The following GRID1 variants were observed in gnomAD, a reference collection of about 807,000 sequenced individuals.
GRID1 encodes the protein glutamate receptor ionotropic, delta-1.
Under a neutral mutation model 98.0 loss-of-function variants are expected in GRID1, and 28 were observed. The observed-to-expected ratio is 0.29, with a 90% CI of 0.21 to 0.39. The LOEUF (loss-of-function observed/expected upper bound fraction) is 0.39, where lower values mean the gene tolerates loss of function less well. GRID1 is among the 10% of genes least tolerant of loss of function. The probability of loss-of-function intolerance (pLI) is 1.00; values close to 1 mark genes in which losing one functional copy is unlikely to be tolerated. For missense variants in GRID1, 1,111 were observed against 1,340.5 expected, an observed-to-expected ratio of 0.83 and a Z score of 2.67; for synonymous variants, 553 against 538.5, an observed-to-expected ratio of 1.03 and a Z score of -0.37.
intron 12 of GRID1, among the ~76,000 whole-genome samples, chr10:85,690,187 G>C (rs1263432145): frequency 6.6e-6 from 1 of 152,024 alleles, no homozygotes; most frequent in Non-Finnish European, 1.5e-5. Context: ...TTTGATTTGT[G>C]CATTTTTCTT....
At chr10:86,257,688 T>C (rs1419388813) in intron 2 of GRID1, among the ~76,000 whole-genome samples, 3 of 152,028 alleles carry the variant, frequency 2.0e-5, no homozygotes, top group South Asian at 4.2e-4. Flanking sequence ...AGTGATACTA[T>C]GGGGAAGAAT....
chr10:85,622,033 T>A (rs1464842405), intron 13 of GRID1, among the ~76,000 whole-genome samples: 1 of 152,164 alleles, frequency 6.6e-6, no homozygotes, highest in Non-Finnish European at 1.5e-5. Flanking sequence ...TTTCAAGTGA[T>A]GCTCCAAGAA....
At chr10:86,263,732 G>C (rs1265690289) in intron 2 of GRID1, among the ~76,000 whole-genome samples, 1 of 152,230 alleles carries the variant, frequency 6.6e-6, no homozygotes, top group Non-Finnish European at 1.5e-5. Flanking sequence ...TACATATCAA[G>C]TGCTCAATAA....
intron 13 of GRID1, among the ~76,000 whole-genome samples, chr10:85,636,608 T>C (rs1843045711): frequency 6.6e-6 from 1 of 151,838 alleles, no homozygotes; most frequent in Non-Finnish European, 1.5e-5. Context: ...CAAAAATACA[T>C]GCATACACAA....
At position 86,333,803 on chromosome 10, in the gene GRID1, A is replaced by G. The variant is rs533458688; in HGVS notation, c.235+30138T>C. 6.6e-5 allele frequency among the ~76,000 whole-genome samples: 10 copies of G among 152,304 alleles called. No homozygotes were observed. In the East Asian group the frequency reaches 1.3e-3, roughly 21 times the overall value. ...GAAGTGGATCATCATAAAGATCATCATTCTTGTTGTCTTCACATTGAGTAG... is the reference window on the plus strand; with the variant it reads ...GAAGTGGATCATCATAAAGATCATCGTTCTTGTTGTCTTCACATTGAGTAG... On this transcript the variant is annotated intron_variant, in intron 2 of 15. Coordinates refer to ENST00000327946, the MANE Select transcript of GRID1 (RefSeq NM_017551.3).
At chr10:85,614,964 C>T (rs1391371045) in intron 14 of GRID1, among the ~76,000 whole-genome samples, 2 of 152,138 alleles carry the variant, frequency 1.3e-5, no homozygotes, top group African/African-American at 4.8e-5. Context: ...GTGATATTTT[C>T]GACTGATATC....
intron 3 of GRID1, among the ~76,000 whole-genome samples, chr10:86,168,659 A>C (rs1032716769): frequency 7.9e-5 from 12 of 152,218 alleles, no homozygotes; most frequent in Non-Finnish European, 1.3e-4. Flanking sequence ...AGCCCAGGGC[A>C]GAGCGGTGAG....
At chr10:85,961,176 A>G (rs2882948) in intron 4 of GRID1, among the ~76,000 whole-genome samples, 85,076 of 152,008 alleles carry the variant, frequency 0.56, 24,732 homozygotes, top group African/African-American at 0.72. Context: ...GATAGAATGA[A>G]ATAATGTACA....
Position 85,775,026 on chromosome 10 carries a change from C to T in GRID1, c.1234-45412G>A, listed in dbSNP as rs534313520. Among the ~76,000 whole-genome samples, 359 of 152,164 alleles carry T rather than the reference C, an allele frequency of 2.4e-3. 2 individuals carry two copies. Among genetic ancestry groups the T allele is most frequent in the African/African-American group, 8.4e-3 (348 of 41,514 alleles). On this transcript the variant is annotated intron_variant, in intron 8 of 15. Transcript: ENST00000327946. ...ATGCTGCTATAAAGACACATGCAGA[C>T]GTATGTTTATTGAGGCACTATTCAC...
At chr10:86,158,193 G>C (rs1845272541) in intron 3 of GRID1, among the ~76,000 whole-genome samples, 1 of 152,158 alleles carries the variant, frequency 6.6e-6, no homozygotes, top group Non-Finnish European at 1.5e-5. Flanking sequence ...GCCTGGCCCT[G>C]GGAGTCAGAC....
chr10:85,796,407 C>T (rs921196610), intron 8 of GRID1, among the ~76,000 whole-genome samples: 1 of 152,108 alleles, frequency 6.6e-6, no homozygotes, highest in Admixed American at 6.6e-5. Flanking sequence ...ATGGTATTAA[C>T]TAAAAATCTG....
chr10:85,977,753 GC>G (rs1842491025), intron 4 of GRID1, among the ~76,000 whole-genome samples: 1 of 152,142 alleles, frequency 6.6e-6, no homozygotes, highest in African/African-American at 2.4e-5. Flanking sequence ...GAAATACCCA[GC>G]CAGTCCTTAC....
At chr10:86,014,346 T>C (rs752401873) in intron 4 of GRID1, among the ~76,000 whole-genome samples, 2 of 152,234 alleles carry the variant, frequency 1.3e-5, no homozygotes, top group African/African-American at 2.4e-5. Flanking sequence ...ATGGAAACCA[T>C]ACTAAATGGA....
chr10:86,274,266 C>CTATA (rs1353070900), intron 2 of GRID1, among the ~76,000 whole-genome samples: 1 of 152,020 alleles, frequency 6.6e-6, no homozygotes, highest in Non-Finnish European at 1.5e-5. Flanking sequence ...TGTTCCAGAT[C>CTATA]TGTATCTCTG....
Position 85,860,901 on chromosome 10 carries a change from A to G in GRID1, c.952-4711T>C, listed in dbSNP as rs78616129. Among the ~76,000 whole-genome samples, 489 of 152,332 alleles carry G rather than the reference A, an allele frequency of 3.2e-3. 2 individuals carry two copies. Among genetic ancestry groups the G allele is most frequent in the African/African-American group, 0.011 (453 of 41,580 alleles). The stretch of plus-strand genomic sequence containing the variant: ...TGATCTGGGCCCCTGGAGAGGTACA[A>G]TGTGGCAGCCCTGATTTACCCACCT... On this transcript the variant is annotated intron_variant, in intron 6 of 15. Transcript: ENST00000327946.
chr10:86,102,679 G>A (rs1395852389), intron 4 of GRID1, among the ~76,000 whole-genome samples: 1 of 152,222 alleles, frequency 6.6e-6, no homozygotes, highest in East Asian at 1.9e-4. Context: ...AGAGGCCCAG[G>A]GGACGGGAGC....
chr10:86,116,694 T>G (rs1366818662), intron 4 of GRID1, among the ~76,000 whole-genome samples: 1 of 152,064 alleles, frequency 6.6e-6, no homozygotes, highest in Non-Finnish European at 1.5e-5. Flanking sequence ...TTAAGTTAAA[T>G]CAAATGCCCC....
chr10:85,790,111 C>T (rs1842464891), intron 8 of GRID1, among the ~76,000 whole-genome samples: 1 of 152,212 alleles, frequency 6.6e-6, no homozygotes, highest in Non-Finnish European at 1.5e-5. Context: ...CTGCATGTTC[C>T]TGGGTCCACC....
chr10:86,339,116 C>T (rs1848272557), intron 2 of GRID1, among the ~76,000 whole-genome samples: 1 of 152,210 alleles, frequency 6.6e-6, no homozygotes, highest in South Asian at 2.1e-4. Context: ...AACCCCAGCA[C>T]CCAACACAGT....
Sources: gnomAD v4.1 joint callset for allele counts (sites outside exome capture counted in the v4.1 genomes callset) on GRCh38, gnomAD v4.1.1 for gene constraint, MANE v1.5 for transcripts, NCBI Gene and HGNC (gene_info 2026-07-23, HGNC 2026-07-21) for gene names.